Variants in SYT2 observed in about 807,000 individuals in gnomAD.
SYT2 encodes synaptotagmin-2.
SYT2 carries 15 observed loss-of-function variants against 39.9 expected under a neutral mutation model. The ratio of observed to expected loss-of-function variants is 0.38; its 90% confidence interval spans 0.25 to 0.58. The LOEUF is 0.58. Ranked by LOEUF, SYT2 falls within the 20% of genes least tolerant of loss-of-function variation. The pLI is 0.70. For missense variants in SYT2, 389 were observed against 530.3 expected, an observed-to-expected ratio of 0.73 and a Z score of 2.62; for synonymous variants, 181 against 204.5, an observed-to-expected ratio of 0.89 and a Z score of 0.98.
intron 1 of SYT2, among the ~76,000 whole-genome samples, chr1:202,666,514 CAGG>C (rs57072543): frequency 0.015 from 2,296 of 152,254 alleles, 55 homozygotes; most frequent in African/African-American, 0.052. Context: ...TGGGGTAGGG[CAGG>C]AGAAGAGAAC....
chr1:202,621,266 A>C (rs1214948433), intron 1 of SYT2, among the ~76,000 whole-genome samples: 1 of 152,148 alleles, frequency 6.6e-6, no homozygotes, highest in Non-Finnish European at 1.5e-5. Flanking sequence ...GCAAAGGAGA[A>C]AACAAATGAG....
chr1:202,680,954 CTG>C (rs1178955672), intron 1 of SYT2, among the ~76,000 whole-genome samples: 1 of 152,196 alleles, frequency 6.6e-6, no homozygotes, highest in East Asian at 1.9e-4. Flanking sequence ...GACAAAAACA[CTG>C]TTTCCCCATC....
chr1:202,697,816 G>A (rs1179789191), intron 1 of SYT2, among the ~76,000 whole-genome samples: 3 of 152,130 alleles, frequency 2.0e-5, no homozygotes, highest in African/African-American at 7.2e-5. Flanking sequence ...ATTTTTATTT[G>A]TCAATTACAC....
chr1:202,638,427 C>T (rs1691805542), intron 1 of SYT2, among the ~76,000 whole-genome samples: 1 of 152,260 alleles, frequency 6.6e-6, no homozygotes. Context: ...GGAACTGAGC[C>T]TTTCTTGCAG....
chr1:202,675,093 G>A (rs977946570), intron 1 of SYT2, among the ~76,000 whole-genome samples: 5 of 152,108 alleles, frequency 3.3e-5, no homozygotes, highest in Non-Finnish European at 5.9e-5. Flanking sequence ...GCACAGGAGG[G>A]CCCAGTAGTT....
chr1:202,697,654 C>T (rs1312452775), intron 1 of SYT2, among the ~76,000 whole-genome samples: 1 of 152,208 alleles, frequency 6.6e-6, no homozygotes, highest in Non-Finnish European at 1.5e-5. Context: ...CCAGGGGTCT[C>T]GATCTGCTTT....
Position 202,596,676 on chromosome 1 carries a change from C to G in SYT2, c.*81G>C, listed in dbSNP as rs1040668905. 1 of 1,349,262 alleles carries G rather than the reference C, an allele frequency of 7.4e-7. No homozygotes were observed. The highest frequency in any genetic ancestry group is 1.5e-5 in the African/African-American group (1 of 68,736). The allele number at this position is 1,349,262 out of a possible 1,614,324, so 83.6% of individuals were successfully genotyped here. Reference sequence around the variant, plus strand: ...ACAAATGAAAGAAAAAAGAAAACCTCTAAGGTTGCATAACTGAGGTATTGA... The same window carrying G: ...ACAAATGAAAGAAAAAAGAAAACCTGTAAGGTTGCATAACTGAGGTATTGA... On this transcript the variant is annotated 3_prime_UTR_variant, in exon 9 of 9. Coordinates refer to ENST00000367268, the MANE Select transcript of SYT2 (RefSeq NM_177402.5).
At chr1:202,691,765 GAGAGAGAGAGAGAGAGAGAT>G (rs1653840353) in intron 1 of SYT2, among the ~76,000 whole-genome samples, 1 of 140,244 alleles carries the variant, frequency 7.1e-6, no homozygotes, top group African/African-American at 2.7e-5. Context: ...GAGAGAGAGA[GAGAGAGAGAGAGAGAGAGAT>G]GGGAGAGGGT....
chr1:202,600,550 CA>C, intron 6 of SYT2, 76 bp from the exon 7 acceptor site: 1 of 1,348,550 alleles, frequency 7.4e-7, no homozygotes, highest in Non-Finnish European at 1.1e-6. Context: ...TCTTTCTTGC[CA>C]AAATTAGCAA....
intron 6 of SYT2, 38 bp from the exon 7 acceptor site, chr1:202,600,512 C>CA: frequency 6.3e-7 from 1 of 1,591,786 alleles, no homozygotes. Flanking sequence ...TCATCTCACC[C>CA]ATCCTAGTGC....
At chr1:202,617,441 C>G (rs544727195) in intron 1 of SYT2, among the ~76,000 whole-genome samples, 118 of 152,146 alleles carry the variant, frequency 7.8e-4, no homozygotes, top group Non-Finnish European at 1.2e-3. Flanking sequence ...TTCACCTCCC[C>G]CCATGATTGT....
intron 1 of SYT2, among the ~76,000 whole-genome samples, chr1:202,708,053 G>A (rs1460587437): frequency 1.3e-5 from 2 of 152,232 alleles, no homozygotes; most frequent in Admixed American, 1.3e-4. Flanking sequence ...GAGGTCTTCA[G>A]CAAGGTACAT....
chr1:202,637,960 G>A lies in SYT2; in HGVS notation c.-17-32171C>T, dbSNP rs931413337. Among the ~76,000 whole-genome samples, 6 of 152,316 alleles carry A rather than the reference G, an allele frequency of 3.9e-5. No individual in the cohort carries two copies. The South Asian group carries it at 6.2e-4, about 16-fold the overall frequency. On this transcript the variant is annotated intron_variant, in intron 1 of 8. Transcript: ENST00000367268. ...CATTCCCAAGAGAATAAGGGAGTCC[G>A]GTGGATCAACTCCCAAGGTTTTCCA...
At chr1:202,645,630 T>TA (rs1283590040) in intron 1 of SYT2, among the ~76,000 whole-genome samples, 3 of 152,150 alleles carry the variant, frequency 2.0e-5, no homozygotes, top group Non-Finnish European at 4.4e-5. Context: ...TCCAGTAAAA[T>TA]AAAGTCTAAT....
intron 1 of SYT2, among the ~76,000 whole-genome samples, chr1:202,630,111 C>T (rs1424736587): frequency 6.6e-6 from 1 of 152,186 alleles, no homozygotes; most frequent in Non-Finnish European, 1.5e-5. Context: ...AGAGCAGTTA[C>T]ACTGGAGGGG....
intron 1 of SYT2, among the ~76,000 whole-genome samples, chr1:202,650,435 C>CTTTTTTTTTTTTTTTTT (rs68013997): frequency 2.1e-5 from 3 of 143,264 alleles, no homozygotes; most frequent in Non-Finnish European, 3.0e-5. Flanking sequence ...GTTTCATATG[C>CTTTTTTTTTTTTTTTTT]TTTTGTTTTT....
chr1:202,660,199 G>A (rs989971687), intron 1 of SYT2, among the ~76,000 whole-genome samples: 5 of 152,138 alleles, frequency 3.3e-5, no homozygotes, highest in Non-Finnish European at 7.4e-5. Flanking sequence ...AAAGCAGAAG[G>A]AACTAGCAGA....
intron 1 of SYT2, among the ~76,000 whole-genome samples, chr1:202,620,606 C>T (rs1359338557): frequency 4.6e-5 from 7 of 151,874 alleles, no homozygotes; most frequent in Non-Finnish European, 7.4e-5. Context: ...CCATCTCTCC[C>T]CCTGTTATAA....
chr1:202,662,175 C>T (rs1692394431), intron 1 of SYT2, among the ~76,000 whole-genome samples: 1 of 152,136 alleles, frequency 6.6e-6, no homozygotes, highest in South Asian at 2.1e-4. Flanking sequence ...GAAGGGCATC[C>T]CAGGCAGAGG....
Sources: gnomAD v4.1 joint callset for allele counts (sites outside exome capture counted in the v4.1 genomes callset) on GRCh38, gnomAD v4.1.1 for gene constraint, MANE v1.5 for transcripts, NCBI Gene and HGNC (gene_info 2026-07-23, HGNC 2026-07-21) for gene names.